Variants in STPG2 observed in about 807,000 individuals in gnomAD.
STPG2 encodes sperm-tail PG-rich repeat-containing protein 2.
A neutral mutation model predicts 54.2 loss-of-function variants in STPG2; 56 were observed. The ratio of observed to expected loss-of-function variants is 1.03; its 90% CI spans 0.83 to 1.29. STPG2 has a LOEUF of 1.29. Among genes scored for constraint, STPG2 ranks in the 50% most tolerant of loss-of-function variants. The pLI is 0.00. For missense variants in STPG2, 596 were observed against 544.9 expected, an observed-to-expected ratio of 1.09 and a Z score of -0.93; for synonymous variants, 200 against 181.8, an observed-to-expected ratio of 1.10 and a Z score of -0.81.
intron 8 of STPG2, among the ~76,000 whole-genome samples, chr4:97,908,154 A>C (rs1299859532): frequency 6.6e-6 from 1 of 151,918 alleles, no homozygotes; most frequent in Admixed American, 6.6e-5. Flanking sequence ...TCTACAATGA[A>C]CTCAAACAAA....
At chr4:97,786,050 C>CA (rs1170626516) in intron 9 of STPG2, among the ~76,000 whole-genome samples, 2 of 151,948 alleles carry the variant, frequency 1.3e-5, no homozygotes, top group African/African-American at 4.8e-5. Flanking sequence ...GATTTACACA[C>CA]AATAAAACAT....
chr4:97,616,675 A>G (rs1243036986), intron 10 of STPG2, among the ~76,000 whole-genome samples: 5 of 152,120 alleles, frequency 3.3e-5, no homozygotes, highest in Non-Finnish European at 7.4e-5. Flanking sequence ...AAACATCACT[A>G]GTGATGATGT....
chr4:97,594,354 T>A (rs868065573), intron 10 of STPG2, among the ~76,000 whole-genome samples: 9 of 152,296 alleles, frequency 5.9e-5, no homozygotes, highest in Middle Eastern at 3.4e-3. Context: ...TTTCAGAATA[T>A]AATCCGAAGT....
intron 8 of STPG2, among the ~76,000 whole-genome samples, chr4:97,935,079 T>A (rs948780606): frequency 2.0e-5 from 3 of 152,136 alleles, no homozygotes; most frequent in Non-Finnish European, 4.4e-5. Flanking sequence ...CCTACTGTAG[T>A]ATGGTGTGGT....
rs184147141 is a variant in STPG2 at position 97,565,706 on chromosome 4, C to G, written c.1321-6589G>C. Among the ~76,000 whole-genome samples the G allele has an allele frequency of 2.3e-3, 350 of 152,258 alleles. 3 individuals carry two copies. The Middle Eastern group carries it at 0.034, about 15-fold the overall frequency. ...AGTTTGCTAGAGGTCCACTCCAGAC[C>G]CTGTTTGCCTGGGTACCAGCAGCGG... On this transcript the variant is annotated intron_variant, in intron 10 of 10. Coordinates refer to ENST00000295268, the MANE Select transcript of STPG2 (RefSeq NM_174952.3).
chr4:97,614,288 C>T (rs1733805120), intron 10 of STPG2, among the ~76,000 whole-genome samples: 2 of 129,772 alleles, frequency 1.5e-5, no homozygotes, highest in African/African-American at 5.8e-5. Flanking sequence ...AATATGTGCC[C>T]TCTAAAGAGA....
chr4:97,610,000 G>T (rs990847715), intron 10 of STPG2, among the ~76,000 whole-genome samples: 1 of 151,630 alleles, frequency 6.6e-6, no homozygotes, highest in East Asian at 1.9e-4. Flanking sequence ...TCATATAATA[G>T]GACCATTTAC....
intron 8 of STPG2, among the ~76,000 whole-genome samples, chr4:97,884,749 A>T (rs1259259251): frequency 6.6e-6 from 1 of 152,090 alleles, no homozygotes; most frequent in Non-Finnish European, 1.5e-5. Flanking sequence ...AGAAAAAAGA[A>T]GGGTTATAGA....
chr4:97,767,990 AC>A (rs761284569), intron 9 of STPG2, among the ~76,000 whole-genome samples: 3 of 151,982 alleles, frequency 2.0e-5, no homozygotes, highest in Non-Finnish European at 2.9e-5. Context: ...ACATGGTGAA[AC>A]CCCGTCTCTA....
intron 8 of STPG2, among the ~76,000 whole-genome samples, chr4:97,863,116 T>C (rs1462218925): frequency 6.6e-6 from 1 of 151,120 alleles, no homozygotes; most frequent in Non-Finnish European, 1.5e-5. Context: ...CTGAAGGAGA[T>C]AGAGACACAA....
chr4:97,706,099 T>C (rs910721357), intron 10 of STPG2, among the ~76,000 whole-genome samples: 1 of 152,136 alleles, frequency 6.6e-6, no homozygotes, highest in African/African-American at 2.4e-5. Context: ...CTTATAACTG[T>C]AGCTTTGAAT....
intron 9 of STPG2, among the ~76,000 whole-genome samples, chr4:97,718,729 C>T (rs1259735098): frequency 6.6e-6 from 1 of 151,866 alleles, no homozygotes; most frequent in Non-Finnish European, 1.5e-5. Context: ...AGATTTAAAT[C>T]TAAATAAGAA....
intron 3 of STPG2, among the ~76,000 whole-genome samples, chr4:98,120,942 T>C (rs1245002561): frequency 6.6e-6 from 1 of 152,248 alleles, no homozygotes; most frequent in African/African-American, 2.4e-5. Flanking sequence ...TCTGTGTCAA[T>C]TGCTTTTAGC....
chr4:97,778,978 G>T (rs1421056785), intron 9 of STPG2, among the ~76,000 whole-genome samples: 1 of 151,978 alleles, frequency 6.6e-6, no homozygotes, highest in Non-Finnish European at 1.5e-5. Flanking sequence ...ACAAAGATGG[G>T]GAAAAAAACA....
chr4:97,690,960 C>T (rs542986210), intron 10 of STPG2, among the ~76,000 whole-genome samples: 4 of 152,108 alleles, frequency 2.6e-5, no homozygotes, highest in African/African-American at 9.7e-5. Flanking sequence ...ATGACAGAAT[C>T]CATGAAGATG....
At chr4:97,980,647 C>A (rs1212817908) in intron 6 of STPG2, among the ~76,000 whole-genome samples, 1 of 152,122 alleles carries the variant, frequency 6.6e-6, no homozygotes, top group Non-Finnish European at 1.5e-5. Context: ...ATAGAAAAGC[C>A]TGTTGTTTTA....
intron 10 of STPG2, among the ~76,000 whole-genome samples, chr4:97,590,361 T>TG (rs775194859): frequency 2.6e-5 from 4 of 151,680 alleles, no homozygotes; most frequent in Admixed American, 1.3e-4. Context: ...CAAGACAAGA[T>TG]GGGGGATGCC....
intron 10 of STPG2, among the ~76,000 whole-genome samples, chr4:97,670,788 G>A (rs1250222046): frequency 6.6e-6 from 1 of 152,184 alleles, no homozygotes; most frequent in Non-Finnish European, 1.5e-5. Flanking sequence ...TGACACATTA[G>A]ATAACCATAT....
chr4:98,011,019 T>G (rs1454604276), intron 5 of STPG2, among the ~76,000 whole-genome samples: 1 of 152,180 alleles, frequency 6.6e-6, no homozygotes, highest in Admixed American at 6.6e-5. Context: ...GTTTGATACA[T>G]GCCTTAGTGG....
Sources: allele counts gnomAD v4.1 joint callset (sites outside exome capture counted in the v4.1 genomes callset), GRCh38; gene constraint gnomAD v4.1.1; transcripts MANE v1.5; gene names NCBI Gene and HGNC (gene_info 2026-07-23, HGNC 2026-07-21).